Variants in GAB3 observed in about 807,000 individuals in gnomAD.
GAB3 encodes the protein GRB2 associated binding protein 3, also known as GRB2-associated-binding protein 3.
In GAB3, 12 loss-of-function variants were observed where a neutral mutation model predicts 40.4. That is an observed-to-expected ratio of 0.30 (90% confidence interval 0.19 to 0.48). GAB3 has a LOEUF of 0.48. GAB3 is among the 20% of genes least tolerant of loss of function. The probability of loss-of-function intolerance (pLI) is 0.99; values close to 1 mark genes in which losing one functional copy is unlikely to be tolerated. For synonymous variants in GAB3, 154 were observed against 176.7 expected (o/e 0.87, Z 1.02); for missense variants, 381 against 461.9 (o/e 0.82, Z 1.61).
At chrX:154,714,468 G>A (rs1193311693) in intron 2 of GAB3, among the ~76,000 whole-genome samples, 4 of 112,301 alleles carry the variant, frequency 3.6e-5, no homozygotes, top group African/African-American at 1.3e-4. Flanking sequence ...GGTTGCTGGA[G>A]ACAGAACCAA....
chrX:154,700,853 A>T (rs1482188127), intron 4 of GAB3, among the ~76,000 whole-genome samples: 9 of 111,178 alleles, frequency 8.1e-5, no homozygotes, highest in African/African-American at 3.0e-4. Flanking sequence ...AAGAGCTTGG[A>T]GGTGTGAAAA....
intron 1 of GAB3, among the ~76,000 whole-genome samples, chrX:154,743,015 C>A (rs868955934): frequency 2.0e-5 from 2 of 101,673 alleles, no homozygotes; most frequent in South Asian, 4.6e-4. Flanking sequence ...TATATGTACA[C>A]ACACATACAC....
intron 4 of GAB3, among the ~76,000 whole-genome samples, chrX:154,711,247 G>T (rs2070940046): frequency 1.8e-5 from 2 of 112,063 alleles, no homozygotes; most frequent in South Asian, 7.4e-4. Flanking sequence ...GAAAGAGAGA[G>T]AAGAAAGAAA....
At chrX:154,726,833 A>T (rs2071218982) in intron 1 of GAB3, among the ~76,000 whole-genome samples, 1 of 111,266 alleles carries the variant, frequency 9.0e-6, no homozygotes, top group South Asian at 3.8e-4. Flanking sequence ...CCAAACCACT[A>T]GTGAGTTCTG....
intron 4 of GAB3, among the ~76,000 whole-genome samples, chrX:154,702,956 T>C (rs1460544173): frequency 8.9e-6 from 1 of 111,939 alleles, no homozygotes; most frequent in Non-Finnish European, 1.9e-5. Context: ...TAACATGCCA[T>C]CCCACACCAG....
chrX:154,725,328 A>G (rs1342310901), intron 1 of GAB3, among the ~76,000 whole-genome samples: 1 of 112,122 alleles, frequency 8.9e-6, no homozygotes, highest in African/African-American at 3.2e-5. Context: ...TTCCACTTCC[A>G]GCCACATTAG....
chrX:154,729,750 C>G (rs782661368), intron 1 of GAB3, among the ~76,000 whole-genome samples: 4 of 111,911 alleles, frequency 3.6e-5, no homozygotes, highest in Non-Finnish European at 5.6e-5. Flanking sequence ...CATTCCTAAT[C>G]TCGTGCAGTG....
intron 2 of GAB3, 55 bp downstream of exon 2, chrX:154,715,971 A>C: frequency 6.6e-5 from 72 of 1,087,530 alleles, no homozygotes; most frequent in Non-Finnish European, 8.5e-5. Context: ...TTCTGCAGTA[A>C]CCCTCCAGTC....
At chrX:154,723,039 C>T (rs782062456) in intron 1 of GAB3, among the ~76,000 whole-genome samples, 1 of 110,749 alleles carries the variant, frequency 9.0e-6, no homozygotes, top group Admixed American at 9.5e-5. Flanking sequence ...CCACCATGCC[C>T]GGCTAATTTT....
intron 1 of GAB3, among the ~76,000 whole-genome samples, chrX:154,724,902 C>T (rs1308733343): frequency 9.0e-6 from 1 of 111,211 alleles, no homozygotes; most frequent in Non-Finnish European, 1.9e-5. Context: ...TGTCACCGCC[C>T]CCCCAAATTC....
chrX:154,703,894 T>C (rs1454501721), intron 4 of GAB3, among the ~76,000 whole-genome samples: 2 of 111,717 alleles, frequency 1.8e-5, no homozygotes, highest in South Asian at 3.7e-4. Flanking sequence ...GCTGGGTATA[T>C]ACCCCAAAGG....
chrX:154,709,712 A>T (rs781783034), intron 4 of GAB3, among the ~76,000 whole-genome samples: 1 of 111,218 alleles, frequency 9.0e-6, no homozygotes, highest in Non-Finnish European at 1.9e-5. Flanking sequence ...TAAAGGATAT[A>T]ATGGATATAA....
chrX:154,750,975 G>C lies in GAB3; in HGVS notation c.51C>G (p.Pro17=). The C allele has an allele frequency of 1.2e-6, 1 of 818,860 alleles. No individual in the cohort carries two copies. Among genetic ancestry groups the C allele is most frequent in the Non-Finnish European group, 1.5e-6 (1 of 673,257 alleles). The allele number at this position is 818,860 out of a possible 1,213,427, so 67.5% of individuals were successfully genotyped here. ...VCTGWLVKSP[P]ERKLQRYAWR... Reference sequence around the variant, plus strand: ...TCACGTAGCGCTGTAGCTTCCTCTCGGGGGGCGACTTAACGAGCCAGCCGG... The same window carrying C: ...TCACGTAGCGCTGTAGCTTCCTCTCCGGGGGCGACTTAACGAGCCAGCCGG... The change falls in exon 1 of 10, where the codon CCC becomes CCG. Residue 17 remains proline (P), a synonymous_variant. Transcript: ENST00000424127.
At chrX:154,686,432 TCTAC>T (rs2070450590) in intron 8 of GAB3, among the ~76,000 whole-genome samples, 1 of 99,098 alleles carries the variant, frequency 1.0e-5, no homozygotes. Flanking sequence ...AGACCCTGTC[TCTAC>T]CAAAAAAAAA....
chrX:154,712,419 G>A lies in GAB3; in HGVS notation c.879C>T (p.Ser293=). The change falls in exon 4 of 10, where the codon TCC becomes TCT. Residue 293 remains serine, a synonymous_variant. Coordinates refer to ENST00000424127, the MANE Select transcript of GAB3 (RefSeq NM_001081573.3). ...CTAGTTCTTTTGCTCCACAGGGTAAGGAACCTTGATTTTTATCTACCTGAA... is the reference window on the plus strand; with the variant it reads ...CTAGTTCTTTTGCTCCACAGGGTAAAGAACCTTGATTTTTATCTACCTGAA... ...STIQVDKNQG[S]LPCGAKELDI... 1 of 1,211,633 alleles carries A rather than the reference G, an allele frequency of 8.3e-7. No individual in the cohort carries two copies. Among genetic ancestry groups the A allele is most frequent in the Non-Finnish European group, 1.1e-6 (1 of 895,367 alleles).
chrX:154,709,323 T>C (rs1557254815), intron 4 of GAB3, among the ~76,000 whole-genome samples: 1 of 7,876 alleles, frequency 1.3e-4, no homozygotes, highest in Non-Finnish European at 2.2e-3. Context: ...TCTCCGGCAG[T>C]TTTTTTTTTT....
intron 7 of GAB3, among the ~76,000 whole-genome samples, chrX:154,696,385 C>T (rs1603423982): frequency 9.1e-6 from 1 of 109,711 alleles, no homozygotes; most frequent in Admixed American, 9.8e-5. Flanking sequence ...TATGGCCATT[C>T]CTCTGATAGG....
At chrX:154,702,600 A>G (rs2070753989) in intron 4 of GAB3, among the ~76,000 whole-genome samples, 1 of 112,429 alleles carries the variant, frequency 8.9e-6, no homozygotes, top group Admixed American at 9.4e-5. Flanking sequence ...TGCACAGCAA[A>G]GAATACAATC....
chrX:154,680,090 A>G (rs1557246493), intron 9 of GAB3, 42 bp downstream of exon 9: 2 of 924,200 alleles, frequency 2.2e-6, no homozygotes, highest in Admixed American at 2.3e-5. Flanking sequence ...CTAGGCAGAG[A>G]TGGAATCACC....
Sources: allele counts gnomAD v4.1 joint callset (sites outside exome capture counted in the v4.1 genomes callset), GRCh38; gene constraint gnomAD v4.1.1; transcripts MANE v1.5; gene names NCBI Gene and HGNC (gene_info 2026-07-23, HGNC 2026-07-21).